The following SAXO1 variants were observed in gnomAD, a reference collection of about 807,000 sequenced individuals.
SAXO1 encodes stabilizer of axonemal microtubules 1, also known as 4930500O09Rik.
SAXO1 carries 21 observed loss-of-function variants against 17.5 expected under a neutral mutation model. The ratio of observed to expected loss-of-function variants is 1.20; its 90% CI spans 0.85 to 1.72. SAXO1 has a LOEUF of 1.72. Among genes scored for constraint, SAXO1 ranks in the 40% most tolerant of loss-of-function variants. The pLI is 0.00. For synonymous variants in SAXO1, 274 were observed against 216.5 expected (o/e 1.27, Z -2.33); for missense variants, 843 against 596.0 (o/e 1.41, Z -4.32).
intron 1 of SAXO1, chr9:19,028,156 A>G (rs1241870098): frequency 1.3e-6 from 2 of 1,499,728 alleles, no homozygotes; most frequent in East Asian, 2.3e-5. Context: ...CCAGCCCCGG[A>G]CTCGCGGCTG....
chr9:18,954,371 C>G (rs915907020), intron 1 of SAXO1, among the ~76,000 whole-genome samples: 1 of 151,672 alleles, frequency 6.6e-6, no homozygotes, highest in South Asian at 2.1e-4. Flanking sequence ...AGGTTTCACT[C>G]TGTCATCCAG....
In SAXO1 at chr9:18,966,078, C is replaced by G. The variant is rs10122838; in HGVS notation, c.39-15141G>C. Among the ~76,000 whole-genome samples, 998 of 152,318 alleles carry G rather than the reference C, an allele frequency of 6.6e-3. 12 individuals are homozygous for G. Among genetic ancestry groups the G allele is most frequent in the African/African-American group, 0.023 (951 of 41,582 alleles). On this transcript the variant is annotated intron_variant, in intron 1 of 3. Coordinates refer to ENST00000380534, the MANE Select transcript of SAXO1 (RefSeq NM_153707.4). Reference sequence around the variant, plus strand: ...AGAATGTTAAATACTGGCCTCCACTCTCTTCTGGTTTGTAGGGTTTCTGCA... The same window carrying G: ...AGAATGTTAAATACTGGCCTCCACTGTCTTCTGGTTTGTAGGGTTTCTGCA...
At chr9:19,019,671 A>T (rs1588542891) in intron 1 of SAXO1, among the ~76,000 whole-genome samples, 1 of 152,240 alleles carries the variant, frequency 6.6e-6, no homozygotes, top group South Asian at 2.1e-4. Flanking sequence ...CAGAGGTTGC[A>T]ATGAGCCCAG....
chr9:18,955,121 A>G (rs1261134282), intron 1 of SAXO1, among the ~76,000 whole-genome samples: 1 of 152,164 alleles, frequency 6.6e-6, no homozygotes, highest in African/African-American at 2.4e-5. Flanking sequence ...GCTTGAGTCC[A>G]GGAGTTCAAG....
intron 1 of SAXO1, among the ~76,000 whole-genome samples, chr9:19,013,188 G>A (rs914293095): frequency 3.3e-5 from 5 of 152,226 alleles, no homozygotes; most frequent in Admixed American, 1.3e-4. Context: ...CCAAAAGGCC[G>A]AGAAGCGATG....
intron 1 of SAXO1, among the ~76,000 whole-genome samples, chr9:18,973,708 A>C (rs1043638447): frequency 6.6e-6 from 1 of 152,226 alleles, no homozygotes; most frequent in African/African-American, 2.4e-5. Flanking sequence ...TTTCCTCTGC[A>C]GATTTCCAAA....
chr9:18,963,315 A>G (rs1328919073), intron 1 of SAXO1, among the ~76,000 whole-genome samples: 1 of 152,150 alleles, frequency 6.6e-6, no homozygotes, highest in Non-Finnish European at 1.5e-5. Context: ...AAGAAATTTA[A>G]AGTCGTTTTT....
chr9:18,942,507 C>T, intron 2 of SAXO1, among the ~76,000 whole-genome samples: 1 of 152,190 alleles, frequency 6.6e-6, no homozygotes, highest in East Asian at 1.9e-4. Context: ...AAAAGCTTCT[C>T]CTGCTAATGT....
intron 1 of SAXO1, chr9:19,027,896 C>A: frequency 7.3e-7 from 1 of 1,374,572 alleles, no homozygotes; most frequent in Non-Finnish European, 1.0e-6. Flanking sequence ...GATCGAGTGC[C>A]TGGGCCAGAA....
intron 3 of SAXO1, among the ~76,000 whole-genome samples, chr9:18,932,943 A>C (rs1462496465): frequency 2.0e-5 from 3 of 152,170 alleles, no homozygotes; most frequent in African/African-American, 7.2e-5. Flanking sequence ...TGTTATCTGC[A>C]TACAGGATCA....
chr9:19,048,836 C>T (rs1836282869), intron 1 of SAXO1, among the ~76,000 whole-genome samples: 1 of 152,172 alleles, frequency 6.6e-6, no homozygotes, highest in Non-Finnish European at 1.5e-5. Flanking sequence ...ATTATAAATT[C>T]TAAAGTCTGA....
chr9:18,953,374 T>C (rs1178395719), intron 1 of SAXO1, among the ~76,000 whole-genome samples: 1 of 151,952 alleles, frequency 6.6e-6, no homozygotes, highest in African/African-American at 2.4e-5. Context: ...AAAAGAAAAA[T>C]AAATTTAATG....
At position 19,032,471 on chromosome 9, in the gene SAXO1, G is replaced by A. The variant is rs569833467; in HGVS notation, c.38+400C>T. 2.0e-5 allele frequency among the ~76,000 whole-genome samples: 3 copies of A among 152,308 alleles called. No individual in the cohort carries two copies. In the South Asian group the frequency reaches 6.2e-4, roughly 32 times the overall value. ...TCTCTGACAAAGTAACAATCTCTCT[G>A]AATGAGAAATTCAGTTATACTACAG... On this transcript the variant is annotated intron_variant, in intron 1 of 3. Transcript: ENST00000380534.
intron 1 of SAXO1, among the ~76,000 whole-genome samples, chr9:19,003,316 G>A (rs1834356680): frequency 6.6e-6 from 1 of 152,116 alleles, no homozygotes; most frequent in Admixed American, 6.5e-5. Context: ...TGGCCATACT[G>A]CCCAAAGTAA....
At chr9:19,017,068 G>T (rs1835006954) in intron 1 of SAXO1, among the ~76,000 whole-genome samples, 1 of 152,068 alleles carries the variant, frequency 6.6e-6, no homozygotes, top group African/African-American at 2.4e-5. Context: ...TAGCACTTTG[G>T]GAGGCAGAGG....
chr9:18,957,916 A>G (rs1362320173), intron 1 of SAXO1, among the ~76,000 whole-genome samples: 3 of 152,306 alleles, frequency 2.0e-5, no homozygotes, highest in African/African-American at 7.2e-5. Flanking sequence ...TATTTAATTT[A>G]TGATATACCC....
intron 3 of SAXO1, among the ~76,000 whole-genome samples, chr9:18,933,125 T>A (rs1168273077): frequency 6.6e-6 from 1 of 152,224 alleles, no homozygotes; most frequent in Non-Finnish European, 1.5e-5. Context: ...GGGGAAGCCA[T>A]TTAGTCTTTC....
At chr9:18,988,743 A>C (rs1350237788) in intron 1 of SAXO1, among the ~76,000 whole-genome samples, 2 of 152,168 alleles carry the variant, frequency 1.3e-5, no homozygotes, top group African/African-American at 4.8e-5. Context: ...TTACTTTTAT[A>C]ATATATTAGT....
chr9:18,990,661 G>A (rs10963895), intron 1 of SAXO1, among the ~76,000 whole-genome samples: 22,111 of 152,144 alleles, frequency 0.15, 2,042 homozygotes, highest in African/African-American at 0.27. Context: ...AGTGGCAGGC[G>A]AGCAAGTGAA....
Sources: allele counts gnomAD v4.1 joint callset (sites outside exome capture counted in the v4.1 genomes callset), GRCh38; gene constraint gnomAD v4.1.1; transcripts MANE v1.5; gene names NCBI Gene and HGNC (gene_info 2026-07-23, HGNC 2026-07-21).